The following ABL1 variants were observed in gnomAD, a reference collection of about 807,000 sequenced individuals.
ABL1 encodes the protein tyrosine-protein kinase ABL1.
In ABL1, 11 loss-of-function variants were observed where a neutral mutation model predicts 94.7. That is an observed-to-expected ratio of 0.12 (90% CI 0.07 to 0.19). The LOEUF (loss-of-function observed/expected upper bound fraction) is 0.19, where lower values mean the gene tolerates loss of function less well. ABL1 is among the 10% of genes least tolerant of loss of function. The probability of loss-of-function intolerance (pLI) is 1.00; values close to 1 mark genes in which losing one functional copy is unlikely to be tolerated. For synonymous variants in ABL1, 656 were observed against 622.4 expected (o/e 1.05, Z -0.80); for missense variants, 1,082 against 1,489.4 (o/e 0.73, Z 4.50).
At chr9:130,854,001 C>CT in intron 1 of ABL1, 63 bp from the exon 2 acceptor site, 1 of 1,518,930 alleles carries the variant, frequency 6.6e-7, no homozygotes, top group Non-Finnish European at 8.8e-7. Context: ...GAGAATAAAA[C>CT]TAATTTTTTC....
chr9:130,854,497 T>A (rs1830942359), intron 2 of ABL1, among the ~76,000 whole-genome samples: 1 of 152,150 alleles, frequency 6.6e-6, no homozygotes, highest in Admixed American at 6.5e-5. Flanking sequence ...ACGCAATTTT[T>A]CCCCTAAGAA....
In ABL1 at chr9:130,768,427, G is replaced by T. The variant is rs535148289; in HGVS notation, c.136+53972G>T. On this transcript the variant is annotated intron_variant, in intron 1 of 10. Coordinates refer to the ABL1 transcript ENST00000372348. ...AGTGACGACTAGCTGTGTATCCTCA[G>T]TCTGATGGCGGTGGAAGTGAGGCAG... 2.7e-3 allele frequency among the ~76,000 whole-genome samples: 406 copies of T among 152,320 alleles called. 1 individual carries two copies. In the Middle Eastern group the frequency reaches 0.027, roughly 10 times the overall value.
At chr9:130,717,727 G>C (rs1831461743) in intron 1 of ABL1, among the ~76,000 whole-genome samples, 2 of 150,080 alleles carry the variant, frequency 1.3e-5, no homozygotes, top group South Asian at 4.2e-4. Context: ...AGAAATTCCT[G>C]GCTAGGCCGG....
chr9:130,828,808 C>T (rs73555899), intron 1 of ABL1, among the ~76,000 whole-genome samples: 173 of 151,850 alleles, frequency 1.1e-3, no homozygotes, highest in African/African-American at 3.4e-3. Context: ...ATGATAATAA[C>T]GAAGAAACAA....
At position 130,835,548 on chromosome 9, in the gene ABL1, G is replaced by A; in HGVS notation, c.79+23G>A. The A allele has an allele frequency of 3.2e-6, 5 of 1,543,936 alleles. No individual in the cohort carries two copies. Among genetic ancestry groups the A allele is most frequent in the Non-Finnish European group, 4.4e-6 (5 of 1,141,864 alleles). The stretch of plus-strand genomic sequence containing the variant: ...AAGGTAAGCCCGGGCCGCACGGGTT[G>A]GGCTGAGTAGCCGCGCGCCCTCCCG... On this transcript the variant is annotated intron_variant, in intron 1 of 10. Transcript: ENST00000318560. The surrounding 1 kb of genome is among the most constrained non-coding windows in gnomAD (Gnocchi z 4.6).
intron 1 of ABL1, among the ~76,000 whole-genome samples, chr9:130,747,478 A>G (rs901879533): frequency 6.6e-6 from 1 of 151,948 alleles, no homozygotes; most frequent in Non-Finnish European, 1.5e-5. Context: ...CAGTGGCACA[A>G]CCTCAGCTCA....
chr9:130,730,674 C>T (rs1356770379), intron 1 of ABL1, among the ~76,000 whole-genome samples: 8 of 152,000 alleles, frequency 5.3e-5, no homozygotes, highest in East Asian at 1.9e-4. Context: ...TGGGCTCAAG[C>T]GGTCCTCCAA....
At chr9:130,720,012 C>G (rs1831495530) in intron 1 of ABL1, among the ~76,000 whole-genome samples, 3 of 152,194 alleles carry the variant, frequency 2.0e-5, no homozygotes, top group South Asian at 4.1e-4. Flanking sequence ...AGAAAATTCA[C>G]TTTTGGGAGA....
chr9:130,797,362 G>A (rs1191113175), intron 1 of ABL1, among the ~76,000 whole-genome samples: 1 of 151,130 alleles, frequency 6.6e-6, no homozygotes, highest in Non-Finnish European at 1.5e-5. Flanking sequence ...TTAATGAATA[G>A]GATACTTTTT....
In ABL1 at chr9:130,885,181, C is replaced by G. The variant is rs1831550386; in HGVS notation, c.2891C>G (p.Pro964Arg). ...AAAAAGCCCGTGCTCCCGGCCACTC[C>G]AAAGCCACAGTCCGCCAAGCCGTCG... is the stretch of plus-strand genomic sequence containing the variant. ...GLKKPVLPAT[P>R]KPQSAKPSGT... The change falls in exon 11 of 11, where the codon CCA (proline) becomes CGA (arginine). Residue 964 changes from proline to arginine, a missense_variant. Physicochemically the swap from Pro to Arg is moderately radical, Grantham distance 103 (BLOSUM62 -2). Around this residue, in one of 7 missense-constraint regions of ABL1, gnomAD observed 780 missense variants for 835.8 expected, o/e 0.93. Transcript: ENST00000318560. 1 of 1,613,394 alleles carries G rather than the reference C, an allele frequency of 6.2e-7. No individual in the cohort carries two copies.
intron 1 of ABL1, among the ~76,000 whole-genome samples, chr9:130,813,333 G>T (rs577984257): frequency 2.6e-5 from 4 of 151,808 alleles, no homozygotes; most frequent in African/African-American, 4.8e-5. Context: ...AGGCTGAGGC[G>T]GGCGGATCAC....
intron 1 of ABL1, among the ~76,000 whole-genome samples, chr9:130,853,395 T>G (rs1386476476): frequency 6.7e-6 from 1 of 149,836 alleles, no homozygotes; most frequent in African/African-American, 2.5e-5. Context: ...AGGTTGGTCT[T>G]GAACTCCTGA....
At chr9:130,780,129 A>C (rs1474834879) in intron 1 of ABL1, among the ~76,000 whole-genome samples, 1 of 151,978 alleles carries the variant, frequency 6.6e-6, no homozygotes, top group African/African-American at 2.4e-5. Context: ...ACTAAAAACT[A>C]CAAAAAAATA....
At chr9:130,847,475 A>G (rs939446143) in intron 1 of ABL1, among the ~76,000 whole-genome samples, 1 of 152,164 alleles carries the variant, frequency 6.6e-6, no homozygotes, top group Non-Finnish European at 1.5e-5. Flanking sequence ...AGATTTAAGT[A>G]CATTCTGCAA....
exon 1 of ABL1, chr9:130,714,235 C>A: frequency 3.0e-6 from 4 of 1,325,534 alleles, no homozygotes; most frequent in Non-Finnish European, 4.0e-6. Flanking sequence ...TGAAATCCCA[C>A]GTATATGCCA....
At position 130,800,248 on chromosome 9, in the gene ABL1, A is replaced by T. The variant is rs1830037612; in HGVS notation, c.137-53816A>T. 3.3e-5 allele frequency among the ~76,000 whole-genome samples: 5 copies of T among 152,288 alleles called. No homozygotes were observed. In the South Asian group the frequency reaches 1.0e-3, roughly 32 times the overall value. Reference sequence around the variant, plus strand: ...GATTATTTTTTAAAGTACTTTTAAAAAAATTAAGGTATTATTTACATATAA... The same window carrying T: ...GATTATTTTTTAAAGTACTTTTAAATAAATTAAGGTATTATTTACATATAA... On this transcript the variant is annotated intron_variant, in intron 1 of 10. Coordinates refer to the ABL1 transcript ENST00000372348.
At chr9:130,781,936 T>C (rs780163395) in intron 1 of ABL1, among the ~76,000 whole-genome samples, 5 of 152,244 alleles carry the variant, frequency 3.3e-5, no homozygotes, top group Non-Finnish European at 7.3e-5. Flanking sequence ...CATTCACATA[T>C]GCACACATAC....
rs990991459 is a variant in ABL1, at chr9:130,835,939, C to T, written c.79+414C>T. 1.3e-5 allele frequency among the ~76,000 whole-genome samples: 2 copies of T among 152,234 alleles called. No homozygotes were observed. The highest frequency in any genetic ancestry group is 4.8e-5 in the African/African-American group (2 of 41,472). ...GCCAACTCGCCAGGCCTTAACATCCCTGGGATCCCACGTTGTGGAATTTCC... is the reference window on the plus strand; with the variant it reads ...GCCAACTCGCCAGGCCTTAACATCCTTGGGATCCCACGTTGTGGAATTTCC... On this transcript the variant is annotated intron_variant, in intron 1 of 10. Transcript: ENST00000318560. The surrounding 1 kb of genome is among the most constrained non-coding windows in gnomAD (Gnocchi z 4.6).
At chr9:130,769,073 A>G (rs186949900) in intron 1 of ABL1, among the ~76,000 whole-genome samples, 11 of 152,092 alleles carry the variant, frequency 7.2e-5, no homozygotes, top group Admixed American at 5.2e-4. Context: ...GGAATTTTTC[A>G]CTCTTTATTT....
Sources: allele counts gnomAD v4.1 joint callset (sites outside exome capture counted in the v4.1 genomes callset), GRCh38; gene constraint gnomAD v4.1.1; regional missense constraint gnomAD v4.1.1; non-coding constraint Gnocchi (gnomAD v3.1); transcripts MANE v1.5; gene names NCBI Gene and HGNC (gene_info 2026-07-23, HGNC 2026-07-21).